The following THSD4 variants were observed in gnomAD, a reference collection of about 807,000 sequenced individuals.
THSD4 encodes thrombospondin type-1 domain-containing protein 4.
A neutral mutation model predicts 119.0 loss-of-function variants in THSD4; 69 were observed. The observed-to-expected ratio is 0.58, with a 90% CI of 0.48 to 0.71. The LOEUF (loss-of-function observed/expected upper bound fraction) is 0.71, where lower values mean the gene tolerates loss of function less well. THSD4 is among the 30% of genes least tolerant of loss of function. THSD4 has a pLI of 0.00. For missense variants in THSD4, 1,393 were observed against 1,391.1 expected (o/e 1.00, Z -0.02); for synonymous variants, 524 against 540.4 (o/e 0.97, Z 0.42).
intron 7 of THSD4, among the ~76,000 whole-genome samples, chr15:71,508,166 C>G (rs934650230): frequency 2.0e-4 from 30 of 152,114 alleles, no homozygotes; most frequent in African/African-American, 7.2e-4. Flanking sequence ...TTGAAGCCAG[C>G]CCTTCAGGAG....
At chr15:71,707,868 T>C (rs571653000) in intron 8 of THSD4, among the ~76,000 whole-genome samples, 1 of 152,328 alleles carries the variant, frequency 6.6e-6, no homozygotes, top group African/African-American at 2.4e-5. Flanking sequence ...ATAAAAACAA[T>C]TTCATGCCCT....
intron 6 of THSD4, among the ~76,000 whole-genome samples, chr15:71,324,516 G>T (rs2045315625): frequency 1.3e-5 from 2 of 152,036 alleles, no homozygotes; most frequent in Non-Finnish European, 2.9e-5. Flanking sequence ...ATGCCTTTGT[G>T]TACACACAGT....
intron 3 of THSD4, among the ~76,000 whole-genome samples, chr15:71,198,343 G>A (rs897200196): frequency 2.0e-5 from 3 of 152,182 alleles, no homozygotes; most frequent in African/African-American, 7.2e-5. Context: ...CAAGGTTGTG[G>A]TTCCTGAGGC....
intron 14 of THSD4, among the ~76,000 whole-genome samples, chr15:71,748,967 C>T (rs1169714356): frequency 6.6e-6 from 1 of 152,238 alleles, no homozygotes; most frequent in East Asian, 1.9e-4. Flanking sequence ...ATCCCACACC[C>T]CGTTCCCTCC....
At chr15:71,423,276 A>G (rs1051714786) in intron 7 of THSD4, among the ~76,000 whole-genome samples, 1 of 152,096 alleles carries the variant, frequency 6.6e-6, no homozygotes, top group African/African-American at 2.4e-5. Context: ...GTCCATAGCC[A>G]CCACAGCTGG....
rs144696582 is a variant in THSD4 at position 71,687,463 on chromosome 15, G to A, written c.1357+26729G>A. ...CTGAACTCACAAGCTAACCTTAAAA[G>A]CCAGCACCTTGGCCAGGCGCCATTG... On this transcript the variant is annotated intron_variant, in intron 8 of 17. Coordinates refer to ENST00000261862, the MANE Select transcript of THSD4 (RefSeq NM_024817.3). Among the ~76,000 whole-genome samples, 1,133 of 152,182 alleles carry A rather than the reference G, an allele frequency of 7.4e-3. 15 individuals are homozygous for A. Among genetic ancestry groups the A allele is most frequent in the African/African-American group, 0.026 (1,082 of 41,512 alleles).
intron 10 of THSD4, among the ~76,000 whole-genome samples, chr15:71,735,508 C>G (rs967221853): frequency 6.6e-6 from 1 of 151,766 alleles, no homozygotes; most frequent in Non-Finnish European, 1.5e-5. Flanking sequence ...CTGTCTGTCC[C>G]TCTCTGTCTC....
chr15:71,400,252 T>C (rs1398710912), intron 6 of THSD4, among the ~76,000 whole-genome samples: 1 of 152,216 alleles, frequency 6.6e-6, no homozygotes, highest in Non-Finnish European at 1.5e-5. Flanking sequence ...CTGTGTGTTT[T>C]TGCATTTAAG....
intron 3 of THSD4, among the ~76,000 whole-genome samples, chr15:71,202,614 A>G (rs1358820590): frequency 6.6e-6 from 1 of 152,334 alleles, no homozygotes; most frequent in East Asian, 1.9e-4. Context: ...TTTTTAAAAC[A>G]ATGTTTTAAA....
intron 7 of THSD4, among the ~76,000 whole-genome samples, chr15:71,446,969 G>A (rs961621066): frequency 1.3e-5 from 2 of 152,098 alleles, no homozygotes; most frequent in African/African-American, 2.4e-5. Flanking sequence ...CACTGGCACA[G>A]GGATTTAAAG....
chr15:71,695,953 C>T (rs1025692464), intron 8 of THSD4, among the ~76,000 whole-genome samples: 12 of 152,048 alleles, frequency 7.9e-5, no homozygotes, highest in African/African-American at 2.9e-4. Context: ...ATGTAAATAG[C>T]AGAGGTAAAA....
chr15:71,346,449 G>A (rs750012035), intron 6 of THSD4, among the ~76,000 whole-genome samples: 2 of 152,142 alleles, frequency 1.3e-5, no homozygotes, highest in Non-Finnish European at 2.9e-5. Context: ...TATTTGCTTT[G>A]AAGCTCTAAT....
At chr15:71,343,371 G>A (rs1450349389) in intron 6 of THSD4, among the ~76,000 whole-genome samples, 1 of 152,090 alleles carries the variant, frequency 6.6e-6, no homozygotes, top group Non-Finnish European at 1.5e-5. Flanking sequence ...TAGTTTCCAG[G>A]GTATGCCATG....
intron 6 of THSD4, among the ~76,000 whole-genome samples, chr15:71,333,599 A>T (rs1421496245): frequency 1.3e-5 from 2 of 152,180 alleles, no homozygotes; most frequent in Non-Finnish European, 2.9e-5. Flanking sequence ...CAGTGATCTT[A>T]GGGGACATTC....
intron 6 of THSD4, among the ~76,000 whole-genome samples, chr15:71,349,222 G>A (rs1440386368): frequency 6.6e-6 from 1 of 152,108 alleles, no homozygotes; most frequent in Middle Eastern, 3.2e-3. Context: ...TGAGTTACAG[G>A]GATTAAAGTA....
intron 7 of THSD4, among the ~76,000 whole-genome samples, chr15:71,477,168 C>T (rs1340990158): frequency 1.3e-5 from 2 of 152,236 alleles, no homozygotes; most frequent in East Asian, 1.9e-4. Context: ...GAGGCAAAAG[C>T]TCCACACGCC....
rs2050057890 is a variant in THSD4 at position 71,603,777 on chromosome 15, A to G, written c.1153-56753A>G. On this transcript the variant is annotated intron_variant, in intron 7 of 17. Coordinates refer to ENST00000261862, the MANE Select transcript of THSD4 (RefSeq NM_024817.3). Reference sequence around the variant, plus strand: ...GAATTTGACGCAGTGGGCATGGGCCATGGTGCATTAGGAAGACAATTGCTG... The same window carrying G: ...GAATTTGACGCAGTGGGCATGGGCCGTGGTGCATTAGGAAGACAATTGCTG... Among the ~76,000 whole-genome samples the G allele has an allele frequency of 2.0e-5, 3 of 152,204 alleles. No individual in the cohort carries two copies. The South Asian group carries it at 6.2e-4, about 32-fold the overall frequency.
intron 1 of THSD4, among the ~76,000 whole-genome samples, chr15:71,137,618 A>G (rs1230513476): frequency 3.3e-5 from 5 of 152,166 alleles, no homozygotes; most frequent in Non-Finnish European, 7.3e-5. Context: ...GGTGACCCCC[A>G]GTTTGAAAAG....
chr15:71,582,295 T>C (rs1322595120), intron 7 of THSD4, among the ~76,000 whole-genome samples: 1 of 152,204 alleles, frequency 6.6e-6, no homozygotes, highest in African/African-American at 2.4e-5. Flanking sequence ...TCATTGTTAA[T>C]GTATAGAAGT....
Sources: allele counts gnomAD v4.1 joint callset (sites outside exome capture counted in the v4.1 genomes callset), GRCh38; gene constraint gnomAD v4.1.1; transcripts MANE v1.5; gene names NCBI Gene and HGNC (gene_info 2026-07-23, HGNC 2026-07-21).